SNX24: variants seen among roughly 807,000 people sequenced by gnomAD.
The protein encoded by SNX24 is sorting nexin-24.
A neutral mutation model predicts 28.7 loss-of-function variants in SNX24; 22 were observed. That is an observed-to-expected ratio of 0.77 (90% CI 0.55 to 1.10). SNX24 has a LOEUF of 1.10. SNX24 is among the 50% of genes least tolerant of loss of function. SNX24 has a pLI of 0.00. For synonymous variants in SNX24, 69 were observed against 71.5 expected (o/e 0.96, Z 0.18); for missense variants, 221 against 201.1 (o/e 1.10, Z -0.60).
intron 1 of SNX24, among the ~76,000 whole-genome samples, chr5:122,862,447 C>T (rs1755509566): frequency 6.6e-6 from 1 of 151,678 alleles, no homozygotes; most frequent in Non-Finnish European, 1.5e-5. Context: ...AACCCCGTCT[C>T]TCCGAAAAAA....
chr5:122,996,881 G>A (rs1157389788), intron 3 of SNX24, among the ~76,000 whole-genome samples: 1 of 152,164 alleles, frequency 6.6e-6, no homozygotes, highest in Non-Finnish European at 1.5e-5. Flanking sequence ...TTATTGTTGA[G>A]CAAAGTTGAG....
At chr5:122,881,975 T>C (rs1479153562) in intron 1 of SNX24, among the ~76,000 whole-genome samples, 1 of 151,226 alleles carries the variant, frequency 6.6e-6, no homozygotes, top group African/African-American at 2.4e-5. Flanking sequence ...TGTTGGATTT[T>C]TTTTTTTTTT....
At chr5:122,942,250 A>G (rs776450348) in intron 2 of SNX24, among the ~76,000 whole-genome samples, 3 of 152,162 alleles carry the variant, frequency 2.0e-5, no homozygotes, top group Non-Finnish European at 4.4e-5. Context: ...AACTGTCTTC[A>G]TTTTTTATTA....
At chr5:122,930,446 G>A (rs913140275) in intron 1 of SNX24, among the ~76,000 whole-genome samples, 12 of 152,140 alleles carry the variant, frequency 7.9e-5, no homozygotes, top group African/African-American at 2.4e-4. Flanking sequence ...CAATTAGCAT[G>A]TCAGAGAAAA....
chr5:122,968,815 A>G (rs42394), intron 3 of SNX24, among the ~76,000 whole-genome samples: 27,891 of 152,044 alleles, frequency 0.18, 3,059 homozygotes, highest in East Asian at 0.48. Flanking sequence ...TAATAGATAC[A>G]ATAAAATAAA....
chr5:122,846,110 G>GTT (rs760983843), intron 1 of SNX24, among the ~76,000 whole-genome samples: 3 of 148,120 alleles, frequency 2.0e-5, no homozygotes, highest in East Asian at 2.0e-4. Context: ...TGGAAAACCT[G>GTT]TTTTTTTTTT....
intron 2 of SNX24, among the ~76,000 whole-genome samples, chr5:122,942,971 A>G (rs886257289): frequency 1.3e-5 from 2 of 152,224 alleles, no homozygotes; most frequent in Non-Finnish European, 2.9e-5. Context: ...GGAGAGACAT[A>G]TAATAGAGTT....
intron 1 of SNX24, among the ~76,000 whole-genome samples, chr5:122,879,403 T>C (rs1214567055): frequency 6.6e-6 from 1 of 152,202 alleles, no homozygotes; most frequent in Non-Finnish European, 1.5e-5. Flanking sequence ...AGTCTCACTA[T>C]TTTTTGTCTA....
At chr5:122,977,113 G>A (rs1284854555) in intron 3 of SNX24, among the ~76,000 whole-genome samples, 1 of 152,172 alleles carries the variant, frequency 6.6e-6, no homozygotes, top group East Asian at 1.9e-4. Context: ...GAAGGTGTGG[G>A]TTGGTGTACT....
chr5:122,989,896 C>T (rs917790472), intron 3 of SNX24, among the ~76,000 whole-genome samples: 1 of 152,056 alleles, frequency 6.6e-6, no homozygotes, highest in Non-Finnish European at 1.5e-5. Context: ...CAGCTTGGAC[C>T]CCCTGTGTAG....
intron 3 of SNX24, among the ~76,000 whole-genome samples, chr5:122,953,009 A>G (rs1172418899): frequency 2.0e-5 from 3 of 152,186 alleles, no homozygotes; most frequent in Non-Finnish European, 2.9e-5. Flanking sequence ...TAATAGAAGG[A>G]AAAATAGTTG....
chr5:122,990,922 G>GAC (rs1761817274), intron 3 of SNX24, among the ~76,000 whole-genome samples: 1 of 152,126 alleles, frequency 6.6e-6, no homozygotes, highest in East Asian at 1.9e-4. Context: ...TTATTGTTGA[G>GAC]ACAGAGTCTC....
At chr5:122,910,078 A>G (rs139756660) in intron 1 of SNX24, among the ~76,000 whole-genome samples, 1 of 152,340 alleles carries the variant, frequency 6.6e-6, no homozygotes, top group East Asian at 1.9e-4. Flanking sequence ...GTAAAGTGGT[A>G]AAAGAAGAAG....
At chr5:122,959,298 T>C (rs57255823) in intron 3 of SNX24, among the ~76,000 whole-genome samples, 7,926 of 151,160 alleles carry the variant, frequency 0.052, 722 homozygotes, top group African/African-American at 0.18. Flanking sequence ...TTTTTTTTTT[T>C]CGTGTATTCC....
chr5:122,872,081 T>C (rs1756006815), intron 1 of SNX24, among the ~76,000 whole-genome samples: 1 of 150,886 alleles, frequency 6.6e-6, no homozygotes, highest in Non-Finnish European at 1.5e-5. Context: ...TAGTTGGAGT[T>C]AATACATCAT....
chr5:122,983,749 C>T (rs751673358), intron 3 of SNX24, among the ~76,000 whole-genome samples: 5 of 148,526 alleles, frequency 3.4e-5, no homozygotes, highest in Admixed American at 6.7e-5. Flanking sequence ...GGACTACAGG[C>T]GTGTGCAACC....
At chr5:122,987,334 G>A (rs1761644929) in intron 3 of SNX24, among the ~76,000 whole-genome samples, 1 of 152,160 alleles carries the variant, frequency 6.6e-6, no homozygotes, top group Non-Finnish European at 1.5e-5. Context: ...CCCCACCCAA[G>A]ACCAGCTAGA....
chr5:122,868,210 G>A (rs1036472714), intron 1 of SNX24, among the ~76,000 whole-genome samples: 2 of 152,118 alleles, frequency 1.3e-5, no homozygotes, highest in Non-Finnish European at 2.9e-5. Context: ...ACCTCTTCCT[G>A]TAACTTACTT....
intron 3 of SNX24, among the ~76,000 whole-genome samples, chr5:122,978,363 T>C (rs1352291995): frequency 6.6e-6 from 1 of 152,200 alleles, no homozygotes; most frequent in Non-Finnish European, 1.5e-5. Flanking sequence ...TCTGAAAACA[T>C]GCTAAAACAA....
Sources: gnomAD v4.1 joint callset for allele counts (sites outside exome capture counted in the v4.1 genomes callset) on GRCh38, gnomAD v4.1.1 for gene constraint, MANE v1.5 for transcripts, NCBI Gene and HGNC (gene_info 2026-07-23, HGNC 2026-07-21) for gene names.